SLC8A1: variants seen among roughly 807,000 people sequenced by gnomAD.
The protein encoded by SLC8A1 is solute carrier family 8 member A1.
Under a neutral mutation model 68.3 loss-of-function variants are expected in SLC8A1, and 18 were observed. The observed-to-expected ratio is 0.26, with a 90% CI of 0.18 to 0.39. The LOEUF (loss-of-function observed/expected upper bound fraction) is 0.39. Among genes scored for constraint, SLC8A1 ranks in the 10% least tolerant of loss-of-function variants. SLC8A1 has a pLI of 1.00. For missense variants in SLC8A1, 985 were observed against 1,156.7 expected (o/e 0.85, Z 2.15); for synonymous variants, 475 against 415.5 (o/e 1.14, Z -1.74).
At chr2:40,255,513 T>C (rs1027495564) in intron 2 of SLC8A1, among the ~76,000 whole-genome samples, 3 of 152,220 alleles carry the variant, frequency 2.0e-5, no homozygotes, top group Non-Finnish European at 4.4e-5. Flanking sequence ...GGAGAAAGTG[T>C]TCTGGACTAA....
At chr2:40,501,413 G>C (rs1321191710) in intron 1 of SLC8A1, among the ~76,000 whole-genome samples, 1 of 151,990 alleles carries the variant, frequency 6.6e-6, no homozygotes, top group African/African-American at 2.4e-5. Flanking sequence ...GCATACATTT[G>C]CTCACTTTAA....
At chr2:40,360,297 T>A (rs1055943426) in intron 2 of SLC8A1, among the ~76,000 whole-genome samples, 16 of 152,192 alleles carry the variant, frequency 1.1e-4, no homozygotes, top group African/African-American at 3.4e-4. Context: ...CAACCTTGCT[T>A]ATCTAAATTT....
exon 5 of SLC8A1, chr2:40,164,881 C>T (rs1573431510): frequency 6.2e-7 from 1 of 1,613,916 alleles, no homozygotes. Context: ...CTTCAATGAT[C>T]ACTTCCAACT....
rs1176069365 is a variant in SLC8A1 at position 40,326,701 on chromosome 2, A to C, written c.1808+101772T>G. 2.0e-5 allele frequency among the ~76,000 whole-genome samples: 3 copies of C among 152,208 alleles called. No individual in the cohort carries two copies. The East Asian group carries it at 5.8e-4, about 29-fold the overall frequency. On this transcript the variant is annotated intron_variant, in intron 2 of 7. Coordinates refer to ENST00000406785, the Ensembl canonical transcript of SLC8A1. ...CTGATCAATGGTTATGGTCATCACTACTATGGGCTACTAATGGTTCTTGAC... is the reference window on the plus strand; with the variant it reads ...CTGATCAATGGTTATGGTCATCACTCCTATGGGCTACTAATGGTTCTTGAC...
chr2:40,339,102 G>C (rs79271392), intron 2 of SLC8A1, among the ~76,000 whole-genome samples: 4,841 of 152,110 alleles, frequency 0.032, 128 homozygotes, highest in African/African-American at 0.072. Context: ...GAACCAAGAT[G>C]ATTGATATTA....
chr2:40,453,526 G>A (rs1374690675), upstream of SLC8A1: 5 of 152,178 alleles, frequency 3.3e-5, no homozygotes, highest in East Asian at 5.8e-4. Context: ...CTGTGCCAGT[G>A]GCTCTCAACC....
At chr2:40,346,998 T>A (rs1320951880) in intron 2 of SLC8A1, among the ~76,000 whole-genome samples, 5 of 152,274 alleles carry the variant, frequency 3.3e-5, no homozygotes, top group African/African-American at 4.8e-5. Flanking sequence ...GTTTCCCACA[T>A]CTCCTTTTGT....
chr2:40,181,730 T>C (rs1289422700), intron 2 of SLC8A1, among the ~76,000 whole-genome samples: 1 of 152,206 alleles, frequency 6.6e-6, no homozygotes, highest in Non-Finnish European at 1.5e-5. Context: ...AAGGCACTGG[T>C]AATGTTCACC....
chr2:40,178,344 C>T (rs369054386), intron 2 of SLC8A1, 43 bp downstream of exon 3: 25 of 1,498,110 alleles, frequency 1.7e-5, no homozygotes, highest in Non-Finnish European at 2.3e-5. Context: ...GTGGCACAGG[C>T]CAGCAGAAGC....
intron 2 of SLC8A1, among the ~76,000 whole-genome samples, chr2:40,261,015 A>T (rs116122561): frequency 0.017 from 2,553 of 152,268 alleles, 50 homozygotes; most frequent in African/African-American, 0.043. Flanking sequence ...AGACAGAAGG[A>T]CTCCTACAGT....
rs572289263 is a variant in SLC8A1 at position 40,291,750 on chromosome 2, T to G, written c.1809-113895A>C. Among the ~76,000 whole-genome samples, 599 of 152,272 alleles carry G rather than the reference T, an allele frequency of 3.9e-3. 4 individuals carry two copies. The highest frequency in any genetic ancestry group is 0.014 in the African/African-American group (576 of 41,562). ...TCAATGCACCTTTTGTTATTTTATG[T>G]TAGTGCATTTATCCATTGGATTTTT... is the stretch of plus-strand genomic sequence containing the variant. On this transcript the variant is annotated intron_variant, in intron 2 of 7. Transcript: ENST00000406785.
intron 1 of SLC8A1, among the ~76,000 whole-genome samples, chr2:40,448,821 T>C (rs1190907842): frequency 6.6e-6 from 1 of 152,134 alleles, no homozygotes; most frequent in Non-Finnish European, 1.5e-5. Context: ...AACACATTTA[T>C]CCTTGGGGGC....
intron 7 of SLC8A1, among the ~76,000 whole-genome samples, chr2:40,122,295 G>A (rs758237567): frequency 1.3e-5 from 2 of 152,042 alleles, no homozygotes; most frequent in Admixed American, 1.3e-4. Flanking sequence ...TGGCTTCCAA[G>A]TGAAGTTCAA....
intron 2 of SLC8A1, among the ~76,000 whole-genome samples, chr2:40,312,127 C>A (rs979128998): frequency 1.3e-5 from 2 of 152,122 alleles, no homozygotes; most frequent in African/African-American, 4.8e-5. Context: ...GTATTTGAAA[C>A]AAGCAAGTCA....
At chr2:40,362,710 A>G (rs1674962978) in intron 2 of SLC8A1, among the ~76,000 whole-genome samples, 1 of 152,164 alleles carries the variant, frequency 6.6e-6, no homozygotes, top group African/African-American at 2.4e-5. Context: ...TGGTAAGTTT[A>G]TAAACCAAAT....
intron 2 of SLC8A1, among the ~76,000 whole-genome samples, chr2:40,327,913 A>G (rs13001473): frequency 0.23 from 34,501 of 151,862 alleles, 4,674 homozygotes; most frequent in East Asian, 0.38. Flanking sequence ...AAAAGCTGAA[A>G]TTATTTAATA....
intron 2 of SLC8A1, among the ~76,000 whole-genome samples, chr2:40,422,624 T>C (rs1476452561): frequency 2.0e-5 from 3 of 152,150 alleles, no homozygotes; most frequent in Non-Finnish European, 4.4e-5. Context: ...GAAAATGATG[T>C]GACAATAGCT....
chr2:40,325,229 T>C (rs372280987), intron 2 of SLC8A1, among the ~76,000 whole-genome samples: 4 of 152,280 alleles, frequency 2.6e-5, no homozygotes, highest in African/African-American at 9.6e-5. Flanking sequence ...TGCTCAATGA[T>C]GTAGAAAGAG....
chr2:40,215,601 C>A (rs1014263344), intron 2 of SLC8A1, among the ~76,000 whole-genome samples: 1 of 136,736 alleles, frequency 7.3e-6, no homozygotes, highest in Non-Finnish European at 1.5e-5. Flanking sequence ...TGTGCCACTG[C>A]AGTCCGCAGT....
Sources: gnomAD v4.1 joint callset for allele counts (sites outside exome capture counted in the v4.1 genomes callset) on GRCh38, gnomAD v4.1.1 for gene constraint, MANE v1.5 for transcripts, NCBI Gene and HGNC (gene_info 2026-07-23, HGNC 2026-07-21) for gene names.